Variants in TEK observed in about 807,000 individuals in gnomAD.
TEK encodes the protein TEK receptor tyrosine kinase.
A neutral mutation model predicts 131.8 loss-of-function variants in TEK; 43 were observed. The observed-to-expected ratio is 0.33, with a 90% confidence interval of 0.26 to 0.42. The LOEUF (loss-of-function observed/expected upper bound fraction) is 0.42. TEK is among the 10% of genes least tolerant of loss of function. The pLI is 1.00. For missense variants in TEK, 1,162 were observed against 1,384.4 expected, an observed-to-expected ratio of 0.84 and a Z score of 2.55; for synonymous variants, 580 against 491.6, an observed-to-expected ratio of 1.18 and a Z score of -2.38.
In TEK at chr9:27,206,800, G is replaced by A; in HGVS notation, c.2575+8G>A. ...CCATCAAAAGAATGAAAGGTCAGTG[G>A]TTGACCAGATAGAGTCAGCATTGCG... is the stretch of plus-strand genomic sequence containing the variant. On this transcript the variant is annotated splice_region_variant and intron_variant, in intron 15 of 22. Coordinates refer to ENST00000380036, the MANE Select transcript of TEK (RefSeq NM_000459.5). The A allele has an allele frequency of 1.9e-6, 3 of 1,613,294 alleles. No homozygotes were observed. The highest frequency in any genetic ancestry group is 1.7e-4 in the Middle Eastern group (1 of 6,004).
chr9:27,122,902 A>C (rs1320732308), intron 1 of TEK, among the ~76,000 whole-genome samples: 1 of 151,588 alleles, frequency 6.6e-6, no homozygotes, highest in Non-Finnish European at 1.5e-5. Flanking sequence ...AAATACAAAA[A>C]ATTAGCCAGG....
chr9:27,190,962 G>T lies in TEK; in HGVS notation c.1489+272G>T, dbSNP rs931517000. ...ATCAATATTTCTTTTTGGATCTCCA[G>T]TCCTGTTTTTAGTTATTCTATCTTG... On this transcript the variant is annotated intron_variant, in intron 10 of 22. Coordinates refer to ENST00000380036, the MANE Select transcript of TEK (RefSeq NM_000459.5). 4.6e-5 allele frequency among the ~76,000 whole-genome samples: 7 copies of T among 152,208 alleles called. No individual in the cohort carries two copies. The East Asian group carries it at 1.2e-3, about 25-fold the overall frequency.
intron 21 of TEK, among the ~76,000 whole-genome samples, chr9:27,220,923 A>T (rs777969395): frequency 6.6e-6 from 1 of 152,234 alleles, no homozygotes; most frequent in African/African-American, 2.4e-5. Flanking sequence ...GAACACCAGC[A>T]AGTAAGAACT....
At chr9:27,180,199 C>T in intron 6 of TEK, 41 bp from the exon 7 acceptor site, 1 of 1,612,698 alleles carries the variant, frequency 6.2e-7, no homozygotes, top group Non-Finnish European at 8.5e-7. Context: ...TTCCTCTCTT[C>T]CCCTGGATTA....
chr9:27,207,842 A>G (rs1028570437), intron 15 of TEK, among the ~76,000 whole-genome samples: 2 of 152,238 alleles, frequency 1.3e-5, no homozygotes, highest in African/African-American at 2.4e-5. Flanking sequence ...AAGACTAACA[A>G]AACAAAATAT....
rs538602138 is a variant in TEK, at chr9:27,132,526, T to G, written c.52+22884T>G. 2.6e-5 allele frequency among the ~76,000 whole-genome samples: 4 copies of G among 152,296 alleles called. No homozygotes were observed. The East Asian group carries it at 5.8e-4, about 22-fold the overall frequency. Reference sequence around the variant, plus strand: ...CAGAGACAGTGTCTTTCCTGGATATTTTTATTGGGACACCGGGGCATTCAG... The same window carrying G: ...CAGAGACAGTGTCTTTCCTGGATATGTTTATTGGGACACCGGGGCATTCAG... On this transcript the variant is annotated intron_variant, in intron 1 of 22. Coordinates refer to ENST00000380036, the MANE Select transcript of TEK (RefSeq NM_000459.5).
intron 21 of TEK, among the ~76,000 whole-genome samples, chr9:27,226,424 C>G (rs531373451): frequency 1.3e-5 from 2 of 152,196 alleles, no homozygotes; most frequent in East Asian, 3.9e-4. Flanking sequence ...AGTTCTTGTC[C>G]TTTGGACGGA....
intron 18 of TEK, among the ~76,000 whole-genome samples, chr9:27,214,671 G>A (rs1825754634): frequency 6.6e-6 from 1 of 151,996 alleles, no homozygotes; most frequent in Non-Finnish European, 1.5e-5. Context: ...TTGGCTTATT[G>A]CCTTTCACAG....
At chr9:27,117,254 A>G (rs1045645562) in intron 1 of TEK, among the ~76,000 whole-genome samples, 3 of 152,110 alleles carry the variant, frequency 2.0e-5, no homozygotes, top group Non-Finnish European at 4.4e-5. Flanking sequence ...CAGGTGTGTT[A>G]TTTTACAGAG....
rs563961610 is a variant in TEK at position 27,160,010 on chromosome 9, GTTTTTTTTTTTT to G, written c.364+1887_364+1898del. On this transcript the variant is annotated intron_variant, in intron 2 of 22. Coordinates refer to ENST00000380036, the MANE Select transcript of TEK (RefSeq NM_000459.5). Reference sequence around the variant, plus strand: ...ATAATGACATTGTCAGCTGTTTAGGGTTTTTTTTTTTTTTTTTTTTTTTTTTTTTTAAAGACA... The same window carrying G: ...ATAATGACATTGTCAGCTGTTTAGGGTTTTTTTTTTTTTTTTTTAAAGACA... 5.9e-3 allele frequency among the ~76,000 whole-genome samples: 501 copies of G among 84,348 alleles called. 10 individuals are homozygous for G. Among genetic ancestry groups the G allele is most frequent in the African/African-American group, 0.023 (475 of 20,644 alleles). 55.3% of individuals were successfully genotyped at this position (84,348 alleles called of 152,430 possible).
chr9:27,209,081 T>C, intron 15 of TEK, 40 bp from the exon 16 acceptor site: 1 of 1,418,050 alleles, frequency 7.1e-7, no homozygotes, highest in South Asian at 1.1e-5. Context: ...TCTGAAAAGG[T>C]GTAACAAAGA....
intron 1 of TEK, among the ~76,000 whole-genome samples, chr9:27,157,017 G>A (rs1823357024): frequency 6.6e-6 from 1 of 152,158 alleles, no homozygotes; most frequent in Non-Finnish European, 1.5e-5. Context: ...GAAAGAAAGA[G>A]AAATAGTGAG....
chr9:27,198,807 T>C (rs530547187), intron 12 of TEK, among the ~76,000 whole-genome samples: 1 of 152,336 alleles, frequency 6.6e-6, no homozygotes, highest in East Asian at 1.9e-4. Context: ...GTTGTATGTA[T>C]ATATTTTTTG....
At chr9:27,188,926 G>T (rs1824703120) in intron 9 of TEK, among the ~76,000 whole-genome samples, 1 of 152,170 alleles carries the variant, frequency 6.6e-6, no homozygotes, top group Non-Finnish European at 1.5e-5. Flanking sequence ...GCTGGGGCAG[G>T]GCTGGAGTGG....
intron 11 of TEK, among the ~76,000 whole-genome samples, chr9:27,193,293 A>G (rs1014195042): frequency 6.6e-6 from 1 of 152,154 alleles, no homozygotes; most frequent in African/African-American, 2.4e-5. Flanking sequence ...AGAGTTTGTT[A>G]AAAGATGTTT....
In TEK at chr9:27,212,826, C is replaced by G. The variant is rs775106474; in HGVS notation, c.2806C>G (p.Leu936Val). 1.2e-6 allele frequency: 2 copies of G among 1,614,202 alleles called. No individual in the cohort carries two copies. Among genetic ancestry groups the G allele is most frequent in the Non-Finnish European group, 1.7e-6 (2 of 1,180,024 alleles). The change falls in exon 17 of 23, where the codon CTG becomes GTG. Residue 936 changes from leucine (L) to valine (V), a missense_variant. Physicochemically the swap from Leu to Val is conservative, Grantham distance 32 (BLOSUM62 1). Around this residue, in one of 6 missense-constraint regions of TEK, gnomAD observed 107 missense variants for 173.9 expected, o/e 0.62. Transcript: ENST00000380036. The part of the protein sequence containing the change: ...FAIANSTAST[L>V]SSQQLLHFAA... ...CATTGCCAATAGCACCGCGTCCACA[C>G]TGTCCTCCCAGCAGCTCCTTCACTT... is the stretch of plus-strand genomic sequence containing the variant.
intron 21 of TEK, among the ~76,000 whole-genome samples, chr9:27,222,767 T>C (rs544565925): frequency 1.3e-5 from 2 of 151,968 alleles, no homozygotes; most frequent in Non-Finnish European, 2.9e-5. Flanking sequence ...CATACCAAAA[T>C]CTAAAGACCA....
chr9:27,136,309 T>G (rs1822433539), intron 1 of TEK, among the ~76,000 whole-genome samples: 1 of 152,122 alleles, frequency 6.6e-6, no homozygotes, highest in Non-Finnish European at 1.5e-5. Flanking sequence ...CTCAAACACC[T>G]GAACTCGTGA....
At chr9:27,157,561 C>T (rs1197352174) in intron 1 of TEK, among the ~76,000 whole-genome samples, 1 of 152,138 alleles carries the variant, frequency 6.6e-6, no homozygotes, top group East Asian at 1.9e-4. Context: ...ATGTCTAGTG[C>T]ATGGCTTGTT....
Sources: allele counts gnomAD v4.1 joint callset (sites outside exome capture counted in the v4.1 genomes callset), GRCh38; gene constraint gnomAD v4.1.1; regional missense constraint gnomAD v4.1.1; transcripts MANE v1.5; gene names NCBI Gene and HGNC (gene_info 2026-07-23, HGNC 2026-07-21).